The following SP7 variants were observed in gnomAD, a reference collection of about 807,000 sequenced individuals.
SP7 encodes transcription factor Sp7.
Under a neutral mutation model 27.9 loss-of-function variants are expected in SP7, and 13 were observed. The observed-to-expected ratio is 0.47, with a 90% CI of 0.30 to 0.74. SP7 has a LOEUF of 0.74. Ranked by LOEUF, SP7 falls within the 30% of genes least tolerant of loss-of-function variation. SP7 has a pLI of 0.06. For synonymous variants in SP7, 219 were observed against 226.7 expected (o/e 0.97, Z 0.31); for missense variants, 525 against 558.0 (o/e 0.94, Z 0.60).
At chr12:53,330,845 C>T (rs758609073) in intron 2 of SP7, among the ~76,000 whole-genome samples, 28 of 152,222 alleles carry the variant, frequency 1.8e-4, no homozygotes, top group Non-Finnish European at 3.4e-4. Flanking sequence ...TTGGCAGAGA[C>T]TCCGGCTGGA....
In SP7 at chr12:53,328,290, A is replaced by AG. The variant is rs749178866; in HGVS notation, c.1151dup (p.Pro385SerfsTer40). 2 of 1,610,320 alleles carry AG rather than the reference A, an allele frequency of 1.2e-6. No homozygotes were observed. The highest frequency in any genetic ancestry group is 8.5e-7 in the Non-Finnish European group (1 of 1,178,098). On this transcript the variant is annotated frameshift_variant, in exon 3 of 3. Transcript: ENST00000536324. LOFTEE classifies it high-confidence loss of function. This position sits in a 1 kb window ranked among gnomAD's most constrained non-coding sequence, Gnocchi z 5.1. ...CCCCCAGCTCCTTGGGGCCACTGGG[A>AG]GGGGGACCCGGGCCTGGTTCTCCAT...
intron 2 of SP7, among the ~76,000 whole-genome samples, chr12:53,330,117 C>T (rs1462928860): frequency 1.3e-5 from 2 of 152,122 alleles, no homozygotes; most frequent in Non-Finnish European, 2.9e-5. Flanking sequence ...GGCCCAATCT[C>T]GGCTCACTGC....
intron 2 of SP7, among the ~76,000 whole-genome samples, chr12:53,334,992 C>T (rs927895174): frequency 6.6e-6 from 1 of 152,170 alleles, no homozygotes; most frequent in Admixed American, 6.5e-5. Context: ...AGACCCCGTC[C>T]CTCCTCCTTG....
At chr12:53,340,891 G>T (rs10876434), upstream of SP7, among the ~76,000 whole-genome samples, 28,725 of 152,162 alleles carry the variant, frequency 0.19, 2,847 homozygotes, top group South Asian at 0.21. Flanking sequence ...CAATGGGGCT[G>T]ATGACCAGGA....
At chr12:53,340,188 C>T (rs1042837153), upstream of SP7, among the ~76,000 whole-genome samples, 1 of 152,128 alleles carries the variant, frequency 6.6e-6, no homozygotes, top group African/African-American at 2.4e-5. Flanking sequence ...TACAGACTCA[C>T]AGCCACCTAG....
chr12:53,336,543 G>A (rs1447448534), upstream of SP7, among the ~76,000 whole-genome samples: 2 of 151,956 alleles, frequency 1.3e-5, no homozygotes, highest in East Asian at 1.9e-4. Flanking sequence ...GCATGCACAC[G>A]TACACACAGT....
chr12:53,329,380 G>A lies in SP7; in HGVS notation c.62C>T (p.Thr21Met), dbSNP rs766272427. 21 of 1,613,848 alleles carry A rather than the reference G, an allele frequency of 1.3e-5. No individual in the cohort carries two copies. Among genetic ancestry groups the A allele is most frequent in the Admixed American group, 1.0e-4 (6 of 59,998 alleles). ...GCCACCAAATTTGCTGCACGCTGCC[G>A]TCAGCATGGCCAGGGGACTGGAGCC... ...HYGSSPLAML[T>M]AACSKFGGSS... The change falls in exon 3 of 3, where the codon ACG (threonine) becomes ATG (methionine). Residue 21 changes from threonine (T) to methionine (M), a missense_variant. Thr to Met is a moderately conservative substitution (Grantham distance 81). Coordinates refer to ENST00000536324, the MANE Select transcript of SP7 (RefSeq NM_001173467.3).
upstream of SP7, among the ~76,000 whole-genome samples, chr12:53,337,977 A>G (rs1198253284): frequency 6.6e-6 from 1 of 152,156 alleles, no homozygotes; most frequent in Non-Finnish European, 1.5e-5. Context: ...TTAAACAACA[A>G]CAACAACAAC....
chr12:53,331,123 C>T (rs528360725), intron 2 of SP7, among the ~76,000 whole-genome samples: 2 of 152,190 alleles, frequency 1.3e-5, no homozygotes, highest in Admixed American at 6.5e-5. Context: ...GTCCTTCTAG[C>T]ACTGTGAATG....
intron 1 of SP7, among the ~76,000 whole-genome samples, chr12:53,343,089 A>T (rs567622735): frequency 1.3e-4 from 20 of 151,264 alleles, no homozygotes; most frequent in Non-Finnish European, 2.4e-4. Flanking sequence ...TGAGTCTAGG[A>T]GTTTGAGACC....
At chr12:53,341,231 G>A (rs180714485), upstream of SP7, among the ~76,000 whole-genome samples, 26 of 152,332 alleles carry the variant, frequency 1.7e-4, no homozygotes, top group African/African-American at 6.0e-4. Context: ...GGACCTCTGG[G>A]ACTGACTCTG....
At chr12:53,335,975 G>A (rs1375959808) in intron 1 of SP7, among the ~76,000 whole-genome samples, 171 bp downstream of exon 1, 1 of 152,016 alleles carries the variant, frequency 6.6e-6, no homozygotes, top group African/African-American at 2.4e-5. Context: ...GCCCATGGAA[G>A]GGGTGGGAAG....
chr12:53,330,331 G>A (rs1281949133), intron 2 of SP7, among the ~76,000 whole-genome samples: 2 of 152,164 alleles, frequency 1.3e-5, no homozygotes. Flanking sequence ...GAGATTACAG[G>A]TGTGAGCCAC....
intron 2 of SP7, 48 bp from the exon 3 acceptor site, chr12:53,329,468 A>C: frequency 6.5e-7 from 1 of 1,543,098 alleles, no homozygotes; most frequent in South Asian, 1.1e-5. Flanking sequence ...GGAGAGGTAC[A>C]AAATGAAGGG....
rs1449692777 is a variant in SP7, at chr12:53,327,898, G to A, written c.*248C>T. 4 of 493,206 alleles carry A rather than the reference G, an allele frequency of 8.1e-6. No homozygotes were observed. Among genetic ancestry groups the A allele is most frequent in the Admixed American group, 3.7e-5 (1 of 26,838 alleles). The allele number at this position is 493,206 out of a possible 1,614,324, so 30.6% of individuals were successfully genotyped here. A position where few individuals can be genotyped will look rare whatever the true frequency, so the allele number is the denominator to read the frequency against. On this transcript the variant is annotated 3_prime_UTR_variant, in exon 3 of 3. Coordinates refer to ENST00000536324, the MANE Select transcript of SP7 (RefSeq NM_001173467.3). ...CCAGAGTCTAGGAAGCCGGAGTGCA[G>A]GTATCAGGCACAAGGGGAGGGCCTG...
chr12:53,339,480 C>CT (rs1004548185), upstream of SP7, among the ~76,000 whole-genome samples: 17 of 152,030 alleles, frequency 1.1e-4, no homozygotes, highest in Admixed American at 2.0e-4. Flanking sequence ...AATCCCAGCG[C>CT]TTTGGGAGGC....
At chr12:53,333,838 A>C (rs963141349) in intron 2 of SP7, among the ~76,000 whole-genome samples, 3 of 152,140 alleles carry the variant, frequency 2.0e-5, no homozygotes, top group African/African-American at 7.2e-5. Flanking sequence ...GTCGAGGGAC[A>C]GGAGGGACTG....
rs541563355 is a variant in SP7, at chr12:53,333,634, T to C, written c.21+1992A>G. 4.6e-5 allele frequency among the ~76,000 whole-genome samples: 7 copies of C among 152,004 alleles called. No individual in the cohort carries two copies. In the South Asian group the frequency reaches 1.0e-3, roughly 23 times the overall value. On this transcript the variant is annotated intron_variant, in intron 2 of 2. Transcript: ENST00000536324. ...CTTCGTTTTCCCAGCTTCCCAATTC[T>C]CCTTTCCCACCTAGGCCCCCAACAA...
At position 53,329,323 on chromosome 12, in the gene SP7, C is replaced by T. The variant is rs1284281861; in HGVS notation, c.119G>A (p.Gly40Asp). Residue 40 changes from glycine to aspartate, a missense_variant, in exon 3 of 3, where the codon GGC (glycine) becomes GAC (aspartate). Coordinates refer to ENST00000536324, the MANE Select transcript of SP7 (RefSeq NM_001173467.3). The stretch of plus-strand genomic sequence containing the variant: ...GTACGGCTTCTTTGTGCCTGCTTTG[C>T]CCAGAGTTGTTGAGTCCCGCAGAGG... ...SSPLRDSTTL[G>D]KAGTKKPYSV... is the part of the protein sequence containing the mutation. 1.2e-6 allele frequency: 2 copies of T among 1,613,928 alleles called. No individual in the cohort carries two copies. The highest frequency in any genetic ancestry group is 1.7e-6 in the Non-Finnish European group (2 of 1,179,886).
Sources: gnomAD v4.1 joint callset for allele counts (sites outside exome capture counted in the v4.1 genomes callset) on GRCh38, gnomAD v4.1.1 for gene constraint, Gnocchi (gnomAD v3.1) non-coding constraint, MANE v1.5 for transcripts, NCBI Gene and HGNC (gene_info 2026-07-23, HGNC 2026-07-21) for gene names.